Variants in RIMS2 observed in about 807,000 individuals in gnomAD.
RIMS2 encodes regulating synaptic membrane exocytosis protein 2.
A neutral mutation model predicts 174.4 loss-of-function variants in RIMS2; 59 were observed. The observed-to-expected ratio is 0.34, with a 90% CI of 0.27 to 0.42. The LOEUF (loss-of-function observed/expected upper bound fraction) is 0.42, where lower values mean the gene tolerates loss of function less well. Ranked by LOEUF, RIMS2 falls within the 10% of genes least tolerant of loss-of-function variation. The pLI is 1.00. For synonymous variants in RIMS2, 606 were observed against 572.5 expected (o/e 1.06, Z -0.84); for missense variants, 1,620 against 1,666.3 (o/e 0.97, Z 0.48).
intron 19 of RIMS2, among the ~76,000 whole-genome samples, chr8:104,222,991 C>A (rs922438871): frequency 6.6e-6 from 1 of 152,068 alleles, no homozygotes; most frequent in Non-Finnish European, 1.5e-5. Flanking sequence ...GCCTTTGTGT[C>A]ATGACTTGAA....
chr8:103,980,818 T>G (rs1410066204), intron 16 of RIMS2, among the ~76,000 whole-genome samples: 2 of 152,128 alleles, frequency 1.3e-5, no homozygotes, highest in South Asian at 2.1e-4. Context: ...TGGTGGTAGA[T>G]CCCACAGGGA....
intron 1 of RIMS2, among the ~76,000 whole-genome samples, chr8:103,696,110 C>G (rs1416986002): frequency 6.6e-6 from 1 of 151,974 alleles, no homozygotes. Context: ...TGGGTTAACT[C>G]TTGGATGCAC....
At chr8:103,544,205 C>T (rs1563715007) in intron 1 of RIMS2, among the ~76,000 whole-genome samples, 1 of 152,208 alleles carries the variant, frequency 6.6e-6, no homozygotes. Flanking sequence ...GTTGCAGACT[C>T]CTGTTGTCCG....
At chr8:104,212,484 G>A (rs2511557) in intron 19 of RIMS2, among the ~76,000 whole-genome samples, 95,565 of 152,012 alleles carry the variant, frequency 0.63, 30,452 homozygotes, top group African/African-American at 0.72. Flanking sequence ...CTGCTCAGAG[G>A]GCAAATAAGA....
intron 3 of RIMS2, among the ~76,000 whole-genome samples, chr8:103,786,531 C>T (rs529499705): frequency 1.6e-4 from 24 of 152,232 alleles, no homozygotes; most frequent in African/African-American, 5.8e-4. Flanking sequence ...GTTATGTACC[C>T]AGTAGTCATT....
chr8:104,047,222 T>C (rs1019068810), intron 19 of RIMS2, among the ~76,000 whole-genome samples: 1 of 152,108 alleles, frequency 6.6e-6, no homozygotes, highest in Non-Finnish European at 1.5e-5. Context: ...TTTTTAGATA[T>C]AAAATTTTGT....
intron 3 of RIMS2, among the ~76,000 whole-genome samples, chr8:103,796,195 A>T (rs1471171619): frequency 1.3e-5 from 2 of 152,040 alleles, no homozygotes; most frequent in Non-Finnish European, 2.9e-5. Flanking sequence ...CTGAAACGTG[A>T]TATTAAAGTG....
At chr8:103,649,660 T>C (rs2096412613) in intron 1 of RIMS2, among the ~76,000 whole-genome samples, 1 of 151,614 alleles carries the variant, frequency 6.6e-6, no homozygotes, top group African/African-American at 2.4e-5. Context: ...TTTTTTTTTT[T>C]CTTTCTGTTC....
At chr8:103,858,789 G>A (rs2099042670) in intron 3 of RIMS2, among the ~76,000 whole-genome samples, 1 of 149,752 alleles carries the variant, frequency 6.7e-6, no homozygotes, top group Non-Finnish European at 1.5e-5. Context: ...CAACAAAATA[G>A]TATACAGAAT....
chr8:103,659,431 G>A (rs1258326453), intron 1 of RIMS2, among the ~76,000 whole-genome samples: 1 of 152,164 alleles, frequency 6.6e-6, no homozygotes, highest in Non-Finnish European at 1.5e-5. Flanking sequence ...GGCAACACCA[G>A]CTGCACTGCT....
At chr8:103,591,865 G>A (rs1276879907) in intron 1 of RIMS2, among the ~76,000 whole-genome samples, 1 of 151,024 alleles carries the variant, frequency 6.6e-6, no homozygotes. Context: ...CTCAGAGTTG[G>A]ATTAATATTC....
intron 19 of RIMS2, among the ~76,000 whole-genome samples, chr8:104,061,687 A>C (rs2096993899): frequency 6.6e-6 from 1 of 150,870 alleles, no homozygotes. Flanking sequence ...TTTACTGTTT[A>C]ATCTGTTTTA....
At chr8:104,155,257 C>T (rs1566730788) in intron 19 of RIMS2, among the ~76,000 whole-genome samples, 1 of 151,590 alleles carries the variant, frequency 6.6e-6, no homozygotes. Context: ...CAGGCGCCCG[C>T]CACCACGCCT....
At chr8:103,953,218 C>G (rs2085984217) in intron 14 of RIMS2, among the ~76,000 whole-genome samples, 1 of 150,352 alleles carries the variant, frequency 6.7e-6, no homozygotes, top group Admixed American at 6.6e-5. Flanking sequence ...CCTGGCAAGG[C>G]AGGCCAACAT....
At position 103,962,349 on chromosome 8, in the gene RIMS2, T is replaced by A. The variant is rs1431337633; in HGVS notation, c.2770+1216T>A. Among the ~76,000 whole-genome samples, 10 of 152,192 alleles carry A rather than the reference T, an allele frequency of 6.6e-5. No individual in the cohort carries two copies. In the South Asian group the frequency reaches 2.1e-3, roughly 32 times the overall value. On this transcript the variant is annotated intron_variant, in intron 15 of 23. Transcript: ENST00000504942. ...TTGGGTTAATAGTCTCTGGAATAAT[T>A]TTCTGGCACTACAGAATTGTGTTTA...
intron 3 of RIMS2, among the ~76,000 whole-genome samples, chr8:103,846,898 ATG>A (rs1345539890): frequency 7.2e-5 from 11 of 152,092 alleles, no homozygotes; most frequent in Admixed American, 5.9e-4. Context: ...TCATGTACTT[ATG>A]GTTTCCCATT....
intron 19 of RIMS2, among the ~76,000 whole-genome samples, chr8:104,181,062 T>C (rs1266227342): frequency 6.6e-6 from 1 of 151,716 alleles, no homozygotes; most frequent in Non-Finnish European, 1.5e-5. Flanking sequence ...CAAATAAGTA[T>C]AGAAGAAAAT....
chr8:104,136,717 T>C (rs1433551641), intron 19 of RIMS2, among the ~76,000 whole-genome samples: 1 of 152,184 alleles, frequency 6.6e-6, no homozygotes, highest in Non-Finnish European at 1.5e-5. Flanking sequence ...AAATACCACC[T>C]GTTCTCACTT....
intron 8 of RIMS2, 143 bp from the exon 12 acceptor site, chr8:103,918,298 T>G: frequency 2.0e-6 from 1 of 505,704 alleles, no homozygotes; most frequent in South Asian, 4.5e-5. Flanking sequence ...GCTTGTTTGT[T>G]TCTTATTTAT....
Sources: allele counts gnomAD v4.1 joint callset (sites outside exome capture counted in the v4.1 genomes callset), GRCh38; gene constraint gnomAD v4.1.1; transcripts MANE v1.5; gene names NCBI Gene and HGNC (gene_info 2026-07-23, HGNC 2026-07-21).